The following RAB38 variants were observed in gnomAD, a reference collection of about 807,000 sequenced individuals.
RAB38 encodes ras-related protein Rab-38.
Under a neutral mutation model 18.4 loss-of-function variants are expected in RAB38, and 15 were observed. That is an observed-to-expected ratio of 0.82 (90% CI 0.55 to 1.26). RAB38 has a LOEUF of 1.26. RAB38 is among the 50% of genes most tolerant of loss of function. RAB38 has a pLI of 0.00. For missense variants in RAB38, 294 were observed against 267.4 expected, an observed-to-expected ratio of 1.10 and a Z score of -0.69; for synonymous variants, 101 against 104.4, an observed-to-expected ratio of 0.97 and a Z score of 0.20.
intron 2 of RAB38, among the ~76,000 whole-genome samples, chr11:88,120,296 G>C (rs1019541087): frequency 6.6e-6 from 1 of 151,972 alleles, no homozygotes; most frequent in Non-Finnish European, 1.5e-5. Flanking sequence ...GATAGTAAGG[G>C]TCAGAACCTG....
At chr11:87,917,992 G>T in the RAB38 span, 1 of 151,966 alleles carries the variant, frequency 6.6e-6, no homozygotes, top group East Asian at 1.9e-4. Flanking sequence ...TAGTCAGAGG[G>T]AAGACCCATA....
At chr11:88,108,812 C>G (rs945176060), downstream of RAB38, among the ~76,000 whole-genome samples, 28 of 152,150 alleles carry the variant, frequency 1.8e-4, no homozygotes, top group Non-Finnish European at 2.1e-4. Flanking sequence ...TCTTCAGGAG[C>G]TCTTGTAAAG....
the RAB38 span, among the ~76,000 whole-genome samples, chr11:87,824,352 C>T: frequency 2.6e-5 from 4 of 152,116 alleles, no homozygotes; most frequent in Non-Finnish European, 1.5e-5. Flanking sequence ...TCACATACCC[C>T]AAGGTGCAAA....
the RAB38 span, among the ~76,000 whole-genome samples, chr11:87,833,645 C>A: frequency 6.6e-6 from 1 of 152,134 alleles, no homozygotes; most frequent in Non-Finnish European, 1.5e-5. Flanking sequence ...ACTGTTATCA[C>A]CTTCATTTTA....
At chr11:88,034,810 T>A in the RAB38 span, among the ~76,000 whole-genome samples, 1 of 152,236 alleles carries the variant, frequency 6.6e-6, no homozygotes, top group East Asian at 1.9e-4. Context: ...CTATGAACAT[T>A]CTTATTCATG....
the RAB38 span, among the ~76,000 whole-genome samples, chr11:87,894,955 G>C: frequency 4.0e-5 from 6 of 151,578 alleles, no homozygotes; most frequent in African/African-American, 1.5e-4. Context: ...GAGACTCCTG[G>C]AACAGCTACA....
At position 88,135,657 on chromosome 11, in the gene RAB38, C is replaced by A. The variant is rs1591163272; in HGVS notation, c.483+14018G>T. On this transcript the variant is annotated intron_variant, in intron 2 of 2. Coordinates refer to ENST00000243662, the MANE Select transcript of RAB38 (RefSeq NM_022337.3). ...TGTCCTTCTTTACAAAAATCTGAAA[C>A]ACAAAATCTAAACTTATTACCAGAT... is the stretch of plus-strand genomic sequence containing the variant. 3.3e-5 allele frequency among the ~76,000 whole-genome samples: 5 copies of A among 152,266 alleles called. 1 individual carries two copies. In the South Asian group the frequency reaches 1.0e-3, roughly 32 times the overall value.
the RAB38 span, among the ~76,000 whole-genome samples, chr11:88,064,489 T>C: frequency 6.6e-6 from 1 of 152,318 alleles, no homozygotes; most frequent in Non-Finnish European, 1.5e-5. Context: ...TACTCTGAGA[T>C]GAAAGGAGCC....
At chr11:88,138,884 G>A (rs1317853201) in intron 2 of RAB38, among the ~76,000 whole-genome samples, 2 of 151,782 alleles carry the variant, frequency 1.3e-5, no homozygotes, top group South Asian at 2.1e-4. Context: ...CTGGGTTAAC[G>A]CCATTCTCCT....
chr11:87,896,786 A>G, the RAB38 span, among the ~76,000 whole-genome samples: 5 of 151,600 alleles, frequency 3.3e-5, no homozygotes, highest in African/African-American at 1.2e-4. Flanking sequence ...CTTACCTATG[A>G]TAAGTTTCGT....
chr11:88,072,083 G>A, the RAB38 span, among the ~76,000 whole-genome samples: 1 of 152,190 alleles, frequency 6.6e-6, no homozygotes, highest in South Asian at 2.1e-4. Context: ...TCATTGTCAT[G>A]AGATAAACAG....
the RAB38 span, among the ~76,000 whole-genome samples, chr11:88,009,834 G>A: frequency 6.6e-6 from 1 of 152,008 alleles, no homozygotes; most frequent in Non-Finnish European, 1.5e-5. Flanking sequence ...TATATATTCA[G>A]GTTGAGTATC....
the RAB38 span, among the ~76,000 whole-genome samples, chr11:87,824,585 A>G: frequency 4.6e-5 from 7 of 152,198 alleles, no homozygotes; most frequent in Non-Finnish European, 1.0e-4. Flanking sequence ...TCATATCAGT[A>G]TCCAAAAAGA....
the RAB38 span, among the ~76,000 whole-genome samples, chr11:88,079,313 G>A: frequency 1.3e-5 from 2 of 151,768 alleles, no homozygotes; most frequent in South Asian, 4.1e-4. Flanking sequence ...TCAAAAAGAT[G>A]ATAGCTAGAT....
the RAB38 span, among the ~76,000 whole-genome samples, chr11:88,025,401 A>G: frequency 6.6e-6 from 1 of 152,116 alleles, no homozygotes; most frequent in Non-Finnish European, 1.5e-5. Context: ...ATACCGAGTA[A>G]CGGGATTGCT....
the RAB38 span, among the ~76,000 whole-genome samples, chr11:88,085,635 G>GGGAAA: frequency 6.6e-6 from 1 of 151,780 alleles, no homozygotes; most frequent in Non-Finnish European, 1.5e-5. Flanking sequence ...GGGATTACTT[G>GGGAAA]TTTAAAAAAA....
chr11:88,005,860 C>G, the RAB38 span, among the ~76,000 whole-genome samples: 2 of 151,486 alleles, frequency 1.3e-5, no homozygotes, highest in Non-Finnish European at 3.0e-5. Context: ...GGAAACTGTC[C>G]TTTCCCCATT....
chr11:88,109,715 AC>A (rs1323650374), downstream of RAB38, among the ~76,000 whole-genome samples: 13 of 152,376 alleles, frequency 8.5e-5, no homozygotes, highest in East Asian at 1.9e-3. Context: ...AAGGATATGA[AC>A]AGACACTTCT....
chr11:88,126,225 T>C (rs1942693017), intron 2 of RAB38, among the ~76,000 whole-genome samples: 1 of 152,184 alleles, frequency 6.6e-6, no homozygotes, highest in African/African-American at 2.4e-5. Flanking sequence ...ATATGAACTT[T>C]AAAGTGGTTT....
Sources: gnomAD v4.1 joint callset for allele counts (sites outside exome capture counted in the v4.1 genomes callset) on GRCh38, gnomAD v4.1.1 for gene constraint, MANE v1.5 for transcripts, NCBI Gene and HGNC (gene_info 2026-07-23, HGNC 2026-07-21) for gene names.